Variants in DTNBP1 observed in about 807,000 individuals in gnomAD.
DTNBP1 encodes the protein dystrobrevin binding protein 1.
A neutral mutation model predicts 42.8 loss-of-function variants in DTNBP1; 35 were observed. The ratio of observed to expected loss-of-function variants is 0.82; its 90% CI spans 0.63 to 1.09. The LOEUF (loss-of-function observed/expected upper bound fraction) is 1.09. Among genes scored for constraint, DTNBP1 ranks in the 50% least tolerant of loss-of-function variants. The pLI, the probability that DTNBP1 is intolerant of heterozygous loss-of-function variation, is 0.00. For synonymous variants in DTNBP1, 171 were observed against 162.2 expected (o/e 1.05, Z -0.41); for missense variants, 457 against 424.2 (o/e 1.08, Z -0.68).
rs545996834 is a variant in DTNBP1, at chr6:15,634,467, C to A, written c.222+3277G>T. Among the ~76,000 whole-genome samples the A allele has an allele frequency of 2.0e-5, 3 of 152,252 alleles. No homozygotes were observed. In the East Asian group the frequency reaches 5.8e-4, roughly 29 times the overall value. On this transcript the variant is annotated intron_variant, in intron 4 of 9. Transcript: ENST00000344537. ...AAGTAGCTGGAATTACAGGTGCCTG[C>A]CACCACACCAGGCTAATTTTTTGTA...
chr6:15,606,268 G>T (rs1302336872), intron 6 of DTNBP1, among the ~76,000 whole-genome samples: 1 of 152,162 alleles, frequency 6.6e-6, no homozygotes, highest in Admixed American at 6.5e-5. Flanking sequence ...GTAGGGGCAG[G>T]AATGTATTCT....
At chr6:15,588,696 C>T (rs941227577) in intron 7 of DTNBP1, among the ~76,000 whole-genome samples, 75 of 152,326 alleles carry the variant, frequency 4.9e-4, no homozygotes, top group African/African-American at 1.8e-3. Flanking sequence ...ACCCCACACA[C>T]CATATGCTTC....
At chr6:15,527,162 CT>C (rs370435456) in intron 8 of DTNBP1, among the ~76,000 whole-genome samples, 8 of 152,104 alleles carry the variant, frequency 5.3e-5, no homozygotes, top group African/African-American at 1.9e-4. Flanking sequence ...TACTTAATGA[CT>C]TTTAAATGGT....
At chr6:15,605,070 T>C (rs943989705) in intron 6 of DTNBP1, among the ~76,000 whole-genome samples, 5 of 152,192 alleles carry the variant, frequency 3.3e-5, no homozygotes, top group African/African-American at 9.7e-5. Context: ...TTCTTCAAGA[T>C]GTTACTATTT....
intron 7 of DTNBP1, among the ~76,000 whole-genome samples, chr6:15,536,332 C>T (rs1019998326): frequency 2.6e-5 from 4 of 152,252 alleles, no homozygotes; most frequent in Admixed American, 6.5e-5. Flanking sequence ...ATCACAGGCC[C>T]TGAGGCCTAG....
intron 3 of DTNBP1, among the ~76,000 whole-genome samples, chr6:15,646,368 T>C (rs1183565971): frequency 3.3e-5 from 5 of 151,410 alleles, no homozygotes; most frequent in Non-Finnish European, 7.4e-5. Context: ...AAAGAAATCA[T>C]AGATGACACG....
intron 7 of DTNBP1, among the ~76,000 whole-genome samples, chr6:15,538,151 C>T (rs1773351846): frequency 6.6e-6 from 1 of 152,108 alleles, no homozygotes; most frequent in African/African-American, 2.4e-5. Flanking sequence ...ACAGCTGACT[C>T]CTTAAAGGGG....
chr6:15,585,569 T>C (rs1776046783), intron 7 of DTNBP1: 1 of 842,620 alleles, frequency 1.2e-6, no homozygotes, highest in Non-Finnish European at 1.7e-6. Flanking sequence ...ATGTACTACT[T>C]GTAGGTTCAA....
chr6:15,557,057 C>T (rs1048275697), intron 7 of DTNBP1, among the ~76,000 whole-genome samples: 4 of 152,156 alleles, frequency 2.6e-5, no homozygotes, highest in East Asian at 1.9e-4. Flanking sequence ...ACCTTGTCTG[C>T]ACTTCTGTCT....
intron 7 of DTNBP1, among the ~76,000 whole-genome samples, chr6:15,561,002 A>T (rs773177572): frequency 5.3e-5 from 8 of 152,234 alleles, no homozygotes; most frequent in Non-Finnish European, 8.8e-5. Context: ...AATCAAGCCT[A>T]TCATGCTTTG....
rs1325796197 is a variant in DTNBP1 at position 15,587,300 on chromosome 6, A to G, written c.511+5759T>C. Among the ~76,000 whole-genome samples, 1 of 152,200 alleles carries G rather than the reference A, an allele frequency of 6.6e-6. No homozygotes were observed. The highest frequency in any genetic ancestry group is 2.4e-5 in the African/African-American group (1 of 41,454). On this transcript the variant is annotated intron_variant, in intron 7 of 9. Transcript: ENST00000344537. This position sits in a 1 kb window ranked among gnomAD's most constrained non-coding sequence, Gnocchi z 4.1. Reference sequence around the variant, plus strand: ...ATGTTCATGGATTGAAAGACTCACTATCATTAAGATGACAATTTTCCCCAA... The same window carrying G: ...ATGTTCATGGATTGAAAGACTCACTGTCATTAAGATGACAATTTTCCCCAA...
chr6:15,577,873 C>A (rs1359293470), intron 7 of DTNBP1, among the ~76,000 whole-genome samples: 1 of 152,146 alleles, frequency 6.6e-6, no homozygotes. Flanking sequence ...TGGACTGAAT[C>A]CTGAAGTGTA....
At chr6:15,659,082 A>C (rs1348605383) in intron 1 of DTNBP1, among the ~76,000 whole-genome samples, 2 of 152,258 alleles carry the variant, frequency 1.3e-5, no homozygotes, top group Non-Finnish European at 2.9e-5. Flanking sequence ...GCCCTTAAAG[A>C]ACAATGGTCT....
intron 4 of DTNBP1, among the ~76,000 whole-genome samples, chr6:15,636,245 G>C (rs142138077): frequency 1.4e-5 from 2 of 147,852 alleles, no homozygotes; most frequent in East Asian, 3.9e-4. Context: ...CCGCCTCCCA[G>C]GTTGAAGCGA....
In DTNBP1 at chr6:15,652,154, T is replaced by C. The variant is rs202034846; in HGVS notation, c.57-14A>G. 1.9e-6 allele frequency: 3 copies of C among 1,559,168 alleles called. No homozygotes were observed. The highest frequency in any genetic ancestry group is 2.6e-6 in the Non-Finnish European group (3 of 1,143,530). ...AAAGTCTTCAGCCTATAATTCAATA[T>C]AAAATATAATATTTTTACAAGTCAA... On this transcript the variant is annotated splice_polypyrimidine_tract_variant and intron_variant, in intron 1 of 9. Transcript: ENST00000344537.
chr6:15,528,557 C>G (rs1772580106), intron 8 of DTNBP1, among the ~76,000 whole-genome samples: 1 of 152,180 alleles, frequency 6.6e-6, no homozygotes, highest in Non-Finnish European at 1.5e-5. Flanking sequence ...CTTGAAGATT[C>G]CTGAATATAC....
intron 1 of DTNBP1, among the ~76,000 whole-genome samples, chr6:15,662,519 T>C (rs1044576724): frequency 1.3e-5 from 2 of 152,172 alleles, no homozygotes; most frequent in Non-Finnish European, 2.9e-5. Flanking sequence ...CAGCTGATGC[T>C]GCCGGGAAAG....
At chr6:15,593,123 A>G in intron 6 of DTNBP1, 42 bp from the exon 7 acceptor site, 1 of 1,521,730 alleles carries the variant, frequency 6.6e-7, no homozygotes, top group Non-Finnish European at 8.9e-7. Context: ...TGCAAATTAA[A>G]AATCTCCCCA....
intron 7 of DTNBP1, among the ~76,000 whole-genome samples, chr6:15,581,766 A>T (rs990409170): frequency 6.6e-6 from 1 of 152,220 alleles, no homozygotes. Flanking sequence ...GGCATGAGCC[A>T]TCGCGCCCAG....
Sources: allele counts gnomAD v4.1 joint callset (sites outside exome capture counted in the v4.1 genomes callset), GRCh38; gene constraint gnomAD v4.1.1; non-coding constraint Gnocchi (gnomAD v3.1); transcripts MANE v1.5; gene names NCBI Gene and HGNC (gene_info 2026-07-23, HGNC 2026-07-21).